The following IQCJ variants were observed in gnomAD, a reference collection of about 807,000 sequenced individuals.
IQCJ encodes IQ domain-containing protein J.
A neutral mutation model predicts 11.0 loss-of-function variants in IQCJ; 9 were observed. That is an observed-to-expected ratio of 0.82 (90% CI 0.49 to 1.43). IQCJ has a LOEUF of 1.43. Ranked by LOEUF, IQCJ falls within the 40% of genes most tolerant of loss-of-function variation. The pLI is 0.00. For synonymous variants in IQCJ, 55 were observed against 51.3 expected, an observed-to-expected ratio of 1.07 and a Z score of -0.31; for missense variants, 146 against 133.2, an observed-to-expected ratio of 1.10 and a Z score of -0.47.
At chr3:159,088,914 C>T (rs1474651969) in intron 1 of IQCJ, among the ~76,000 whole-genome samples, 1 of 151,734 alleles carries the variant, frequency 6.6e-6, no homozygotes, top group Non-Finnish European at 1.5e-5. Flanking sequence ...ATTTAGTCCA[C>T]TTACATTTAA....
At chr3:159,113,693 G>A (rs1454865821) in intron 1 of IQCJ, among the ~76,000 whole-genome samples, 2 of 152,166 alleles carry the variant, frequency 1.3e-5, no homozygotes, top group South Asian at 2.1e-4. Flanking sequence ...AGATGCTGGG[G>A]CAGGCAAGTG....
At chr3:159,243,544 A>G (rs1305344924) in intron 1 of IQCJ, among the ~76,000 whole-genome samples, 1 of 152,214 alleles carries the variant, frequency 6.6e-6, no homozygotes, top group African/African-American at 2.4e-5. Flanking sequence ...TTTATACGAA[A>G]GTCTAGAACA....
intron 1 of IQCJ, among the ~76,000 whole-genome samples, chr3:159,118,412 C>T (rs1719155946): frequency 6.6e-6 from 1 of 152,206 alleles, no homozygotes; most frequent in African/African-American, 2.4e-5. Flanking sequence ...CAAAAACGAC[C>T]ATGACCCCAA....
Position 159,167,983 on chromosome 3 carries a change from G to A in IQCJ, c.10-77860G>A, listed in dbSNP as rs116846156. 1.1e-3 allele frequency among the ~76,000 whole-genome samples: 164 copies of A among 152,262 alleles called. 1 individual carries two copies. The East Asian group carries it at 0.03, about 27-fold the overall frequency. On this transcript the variant is annotated intron_variant, in intron 1 of 3. Coordinates refer to ENST00000397832, the MANE Select transcript of IQCJ (RefSeq NM_001042706.3). ...GGGCCCGCAGAGGCAGGGAAGGTAA[G>A]GAAGATTGGTAGATGCTGGCAGTAA... is the stretch of plus-strand genomic sequence containing the variant.
chr3:159,224,080 A>AT (rs994310172), intron 1 of IQCJ, among the ~76,000 whole-genome samples: 1 of 152,052 alleles, frequency 6.6e-6, no homozygotes. Context: ...AAAAAAAAAA[A>AT]AACAAGACTT....
At chr3:159,225,567 T>C (rs1725810070) in intron 1 of IQCJ, among the ~76,000 whole-genome samples, 1 of 152,194 alleles carries the variant, frequency 6.6e-6, no homozygotes, top group Admixed American at 6.5e-5. Flanking sequence ...AGTTTGTGAA[T>C]TGTATCAATG....
intron 1 of IQCJ, among the ~76,000 whole-genome samples, chr3:159,110,482 C>A (rs1362492889): frequency 6.6e-6 from 1 of 152,190 alleles, no homozygotes; most frequent in African/African-American, 2.4e-5. Flanking sequence ...TCATTTCCTA[C>A]AGGAAGGCTT....
At chr3:159,146,436 T>C (rs2108192982) in intron 1 of IQCJ, among the ~76,000 whole-genome samples, 1 of 152,314 alleles carries the variant, frequency 6.6e-6, no homozygotes, top group East Asian at 1.9e-4. Context: ...TTACTTTAGA[T>C]TTCAGCCACA....
chr3:159,126,683 G>A (rs542963739), intron 1 of IQCJ, among the ~76,000 whole-genome samples: 8 of 152,354 alleles, frequency 5.3e-5, no homozygotes, highest in African/African-American at 1.7e-4. Context: ...AGAAGTGGAT[G>A]AGAGCACACC....
chr3:159,157,369 C>T (rs746447490), intron 1 of IQCJ, among the ~76,000 whole-genome samples: 2 of 152,080 alleles, frequency 1.3e-5, no homozygotes, highest in African/African-American at 2.4e-5. Flanking sequence ...TTTCTTTTCT[C>T]GCCTCTTCCC....
intron 1 of IQCJ, among the ~76,000 whole-genome samples, chr3:159,157,898 C>G (rs191180784): frequency 3.6e-4 from 54 of 150,654 alleles, no homozygotes; most frequent in African/African-American, 1.2e-3. Context: ...TTGTGTAGAT[C>G]CAAATAATAT....
chr3:159,094,006 CT>C (rs1459467776), intron 1 of IQCJ, among the ~76,000 whole-genome samples: 1 of 151,760 alleles, frequency 6.6e-6, no homozygotes, highest in Non-Finnish European at 1.5e-5. Context: ...AGTAAGAAGC[CT>C]TTGTCAGTCA....
chr3:159,108,335 ATTTTC>A (rs1300989231), intron 1 of IQCJ, among the ~76,000 whole-genome samples: 1 of 151,266 alleles, frequency 6.6e-6, no homozygotes, highest in Admixed American at 6.6e-5. Flanking sequence ...AAACTGGAAT[ATTTTC>A]TTATCTCAGC....
At chr3:159,087,843 A>G (rs1013629104) in intron 1 of IQCJ, among the ~76,000 whole-genome samples, 2 of 150,596 alleles carry the variant, frequency 1.3e-5, no homozygotes, top group Non-Finnish European at 3.0e-5. Flanking sequence ...TGGTCTATCA[A>G]TTTTGTTGAT....
At chr3:159,074,365 A>G (rs570773001) in intron 1 of IQCJ, among the ~76,000 whole-genome samples, 1 of 152,232 alleles carries the variant, frequency 6.6e-6, no homozygotes, top group African/African-American at 2.4e-5. Context: ...TTATTAAAAG[A>G]AGACGTGAGG....
chr3:159,090,597 T>A (rs578204177), intron 1 of IQCJ, among the ~76,000 whole-genome samples: 2 of 151,602 alleles, frequency 1.3e-5, no homozygotes, highest in Admixed American at 1.3e-4. Flanking sequence ...GAGGCACATA[T>A]GGGTGTGTCA....
At chr3:159,224,034 C>A (rs1440508566) in intron 1 of IQCJ, among the ~76,000 whole-genome samples, 1 of 151,428 alleles carries the variant, frequency 6.6e-6, no homozygotes, top group Non-Finnish European at 1.5e-5. Context: ...CATTTATACA[C>A]CCCAGATTAT....
At chr3:159,094,188 A>C (rs1222778475) in intron 1 of IQCJ, among the ~76,000 whole-genome samples, 1 of 151,804 alleles carries the variant, frequency 6.6e-6, no homozygotes, top group Non-Finnish European at 1.5e-5. Flanking sequence ...AGAAGCTGCT[A>C]TAGGTCCAGA....
chr3:159,103,131 A>G (rs1718032729), intron 1 of IQCJ, among the ~76,000 whole-genome samples: 1 of 152,226 alleles, frequency 6.6e-6, no homozygotes, highest in Non-Finnish European at 1.5e-5. Flanking sequence ...GATTCACATC[A>G]TGGAAAATTA....
Sources: gnomAD v4.1 joint callset for allele counts (sites outside exome capture counted in the v4.1 genomes callset) on GRCh38, gnomAD v4.1.1 for gene constraint, MANE v1.5 for transcripts, NCBI Gene and HGNC (gene_info 2026-07-23, HGNC 2026-07-21) for gene names.